The following RIT2 variants were observed in gnomAD, a reference collection of about 807,000 sequenced individuals.
The protein encoded by RIT2 is Ras like without CAAX 2, also known as GTP-binding protein Rit2.
RIT2 carries 24 observed loss-of-function variants against 23.7 expected under a neutral mutation model. That is an observed-to-expected ratio of 1.01 (90% CI 0.73 to 1.43). RIT2 has a LOEUF of 1.43. Ranked by LOEUF, RIT2 falls within the 40% of genes most tolerant of loss-of-function variation. The pLI, the probability that RIT2 is intolerant of heterozygous loss-of-function variation, is 0.00. For missense variants in RIT2, 236 were observed against 266.9 expected, an observed-to-expected ratio of 0.88 and a Z score of 0.81; for synonymous variants, 107 against 91.1, an observed-to-expected ratio of 1.17 and a Z score of -0.99.
At chr18:42,940,269 T>TATATATATGC (rs1555648056) in intron 3 of RIT2, among the ~76,000 whole-genome samples, 16 of 137,976 alleles carry the variant, frequency 1.2e-4, no homozygotes, top group African/African-American at 4.1e-4. Context: ...TATATATATA[T>TATATATATGC]GCACACACAC....
intron 1 of RIT2, among the ~76,000 whole-genome samples, chr18:43,109,106 G>T (rs1010446003): frequency 2.0e-5 from 3 of 152,182 alleles, no homozygotes; most frequent in African/African-American, 4.8e-5. Context: ...GGAAGGAATT[G>T]GTTGTGTGCT....
intron 4 of RIT2, among the ~76,000 whole-genome samples, chr18:42,804,633 A>C (rs1905632299): frequency 6.6e-6 from 1 of 151,902 alleles, no homozygotes; most frequent in Non-Finnish European, 1.5e-5. Context: ...GGTATCCCCA[A>C]GGGTTTTTCC....
chr18:42,769,201 T>TA (rs1913492299), intron 4 of RIT2, among the ~76,000 whole-genome samples: 1 of 152,198 alleles, frequency 6.6e-6, no homozygotes, highest in Non-Finnish European at 1.5e-5. Context: ...ATAATATCGT[T>TA]AGGGGCTCTG....
At chr18:42,991,256 A>G (rs565388021) in intron 2 of RIT2, among the ~76,000 whole-genome samples, 57 of 152,144 alleles carry the variant, frequency 3.7e-4, no homozygotes, top group Admixed American at 8.5e-4. Flanking sequence ...TGATTCAAAT[A>G]TCAGCCATAT....
At chr18:42,870,741 G>T (rs1448838262) in intron 4 of RIT2, among the ~76,000 whole-genome samples, 1 of 151,912 alleles carries the variant, frequency 6.6e-6, no homozygotes, top group Non-Finnish European at 1.5e-5. Flanking sequence ...TATAAAGTTG[G>T]GCAATATGGC....
chr18:43,008,359 T>C (rs1374409717), intron 2 of RIT2, among the ~76,000 whole-genome samples: 2 of 151,390 alleles, frequency 1.3e-5, no homozygotes, highest in East Asian at 3.9e-4. Context: ...TAAACTATAG[T>C]TCTACTTTTA....
At chr18:42,987,497 T>A (rs948394946) in intron 2 of RIT2, among the ~76,000 whole-genome samples, 3 of 152,204 alleles carry the variant, frequency 2.0e-5, no homozygotes, top group African/African-American at 7.2e-5. Context: ...TTTGTGGCAA[T>A]GTGTTATACA....
chr18:42,973,541 G>A (rs556078957), intron 3 of RIT2, among the ~76,000 whole-genome samples: 1 of 151,918 alleles, frequency 6.6e-6, no homozygotes, highest in Non-Finnish European at 1.5e-5. Context: ...TTGTGATGTA[G>A]TATTTTAGTT....
intron 1 of RIT2, among the ~76,000 whole-genome samples, chr18:43,082,280 G>A (rs749359720): frequency 4.6e-5 from 7 of 151,958 alleles, no homozygotes; most frequent in Non-Finnish European, 1.0e-4. Context: ...TGGATTCACA[G>A]CCAAATTCTA....
At chr18:42,763,627 TAATTC>T (rs1913355658) in intron 4 of RIT2, among the ~76,000 whole-genome samples, 1 of 152,198 alleles carries the variant, frequency 6.6e-6, no homozygotes, top group African/African-American at 2.4e-5. Context: ...TAGGCCACAC[TAATTC>T]AATACAAAGT....
At position 42,893,212 on chromosome 18, in the gene RIT2, C is replaced by G. The variant is rs190917842; in HGVS notation, c.426+30360G>C. ...CTGCACTCCAGCCTGGGAAACAGAG[C>G]GAGACTCCGTCTCAAAAAAAAAAAA... is the stretch of plus-strand genomic sequence containing the variant. On this transcript the variant is annotated intron_variant, in intron 4 of 4. Coordinates refer to ENST00000326695, the MANE Select transcript of RIT2 (RefSeq NM_002930.4). 2.4e-4 allele frequency among the ~76,000 whole-genome samples: 27 copies of G among 111,674 alleles called. No homozygotes were observed. The Admixed American group carries it at 3.1e-3, about 13-fold the overall frequency. 73.3% of individuals were successfully genotyped at this position (111,674 alleles called of 152,430 possible). A position where few individuals can be genotyped will look rare whatever the true frequency, so the allele number is the denominator to read the frequency against.
At chr18:43,051,402 GAT>G (rs1489257833) in intron 1 of RIT2, among the ~76,000 whole-genome samples, 2 of 152,068 alleles carry the variant, frequency 1.3e-5, no homozygotes, top group Admixed American at 6.6e-5. Context: ...AGGTATGGAA[GAT>G]AGTTATTTTT....
chr18:42,874,895 T>C (rs1325436948), intron 4 of RIT2, among the ~76,000 whole-genome samples: 1 of 152,116 alleles, frequency 6.6e-6, no homozygotes, highest in African/African-American at 2.4e-5. Context: ...CAGGGCTTCC[T>C]GGTGTCATGA....
At chr18:42,820,542 G>A (rs1382703613) in intron 4 of RIT2, among the ~76,000 whole-genome samples, 1 of 152,130 alleles carries the variant, frequency 6.6e-6, no homozygotes, top group Non-Finnish European at 1.5e-5. Context: ...CTGGAATGAA[G>A]AAGGGTGACA....
At chr18:42,791,629 GCTAAA>G (rs1275211622) in intron 4 of RIT2, among the ~76,000 whole-genome samples, 5 of 152,148 alleles carry the variant, frequency 3.3e-5, no homozygotes, top group Admixed American at 6.5e-5. Flanking sequence ...ATTTTAAAAA[GCTAAA>G]CTAGACTTAG....
intron 4 of RIT2, among the ~76,000 whole-genome samples, chr18:42,899,321 C>A (rs1908414726): frequency 6.6e-6 from 1 of 150,656 alleles, no homozygotes; most frequent in Non-Finnish European, 1.5e-5. Flanking sequence ...AGATAAGGAA[C>A]AGGACACTTC....
chr18:43,085,096 G>A (rs994438672), intron 1 of RIT2, among the ~76,000 whole-genome samples: 22 of 151,936 alleles, frequency 1.4e-4, no homozygotes, highest in African/African-American at 5.3e-4. Flanking sequence ...TGCTGTAGTG[G>A]CTTTGCAGAA....
At chr18:42,956,779 A>G (rs1302816851) in intron 3 of RIT2, among the ~76,000 whole-genome samples, 2 of 152,260 alleles carry the variant, frequency 1.3e-5, no homozygotes, top group Non-Finnish European at 2.9e-5. Context: ...ATGTCTCACA[A>G]TTTGCAATAG....
rs760595125 is a variant in RIT2, at chr18:42,856,825, C to CTT, written c.426+66746_426+66747insAA. ...AGAAGTCTTTTTCTTTTCTCTCTCT[C>CTT]TCTTTTTTTTTTTTTTTTTTTTGAG... On this transcript the variant is annotated intron_variant, in intron 4 of 4. Coordinates refer to ENST00000326695, the MANE Select transcript of RIT2 (RefSeq NM_002930.4). 3.0e-3 allele frequency among the ~76,000 whole-genome samples: 385 copies of CTT among 127,894 alleles called. 1 individual carries two copies. The highest frequency in any genetic ancestry group is 0.01 in the African/African-American group (311 of 30,752). The allele number at this position is 127,894 out of a possible 152,430, so 83.9% of individuals were successfully genotyped here. A position where few individuals can be genotyped will look rare whatever the true frequency, so the allele number is the denominator to read the frequency against.
Sources: gnomAD v4.1 joint callset for allele counts (sites outside exome capture counted in the v4.1 genomes callset) on GRCh38, gnomAD v4.1.1 for gene constraint, MANE v1.5 for transcripts, NCBI Gene and HGNC (gene_info 2026-07-23, HGNC 2026-07-21) for gene names.